Variants in GDPD1 observed in about 807,000 individuals in gnomAD.
The protein encoded by GDPD1 is lysophospholipase D GDPD1.
In GDPD1, 28 loss-of-function variants were observed where a neutral mutation model predicts 45.1. The observed-to-expected ratio is 0.62, with a 90% CI of 0.46 to 0.85. The LOEUF (loss-of-function observed/expected upper bound fraction) is 0.85, where lower values mean the gene tolerates loss of function less well. Ranked by LOEUF, GDPD1 falls within the 40% of genes least tolerant of loss-of-function variation. The pLI is 0.00. For synonymous variants in GDPD1, 139 were observed against 131.4 expected (o/e 1.06, Z -0.40); for missense variants, 256 against 364.8 (o/e 0.70, Z 2.43).
chr17:59,272,641 TCACA>T, intron 8 of GDPD1, 140 bp from the exon 9 acceptor site: 1 of 593,660 alleles, frequency 1.7e-6, no homozygotes, highest in Non-Finnish European at 3.1e-6. Context: ...ATAAATTAAT[TCACA>T]ACAGCTATTA....
intron 4 of GDPD1, among the ~76,000 whole-genome samples, chr17:59,256,704 T>A (rs960915611): frequency 6.6e-6 from 1 of 152,212 alleles, no homozygotes; most frequent in African/African-American, 2.4e-5. Context: ...TATTGTACTA[T>A]AGATTTGCAA....
At chr17:59,221,081 A>G (rs1373095989) in intron 1 of GDPD1, among the ~76,000 whole-genome samples, 2 of 152,052 alleles carry the variant, frequency 1.3e-5, no homozygotes, top group Non-Finnish European at 2.9e-5. Context: ...GTCCCTTCCT[A>G]GCAGCAAGAC....
chr17:59,223,232 C>T (rs1034596470), intron 1 of GDPD1, among the ~76,000 whole-genome samples: 6 of 152,100 alleles, frequency 3.9e-5, no homozygotes, highest in South Asian at 4.1e-4. Context: ...TTTGTAAATG[C>T]GGCATCAGTA....
intron 3 of GDPD1, among the ~76,000 whole-genome samples, chr17:59,246,018 G>T (rs1197968499): frequency 5.9e-5 from 9 of 151,996 alleles, no homozygotes; most frequent in Non-Finnish European, 1.2e-4. Context: ...TACTTGGGAG[G>T]CTGAGGCAGG....
chr17:59,220,829 G>T (rs2046998258), intron 1 of GDPD1, 78 bp downstream of exon 1: 1 of 1,505,402 alleles, frequency 6.6e-7, no homozygotes, highest in Non-Finnish European at 9.0e-7. Flanking sequence ...AAGGCAGCCG[G>T]GTGCCAATCC....
intron 7 of GDPD1, 134 bp from the exon 8 acceptor site, chr17:59,270,802 T>C (rs2047438569): frequency 1.8e-6 from 1 of 552,578 alleles, no homozygotes; most frequent in Non-Finnish European, 3.2e-6. Flanking sequence ...ATTTTATTTT[T>C]GTCCTTTTTA....
chr17:59,225,076 A>C (rs1486143443), intron 1 of GDPD1, among the ~76,000 whole-genome samples: 4 of 136,304 alleles, frequency 2.9e-5, no homozygotes, highest in Admixed American at 7.4e-5. Context: ...TGTGTTTATT[A>C]TTTTCTTTCT....
intron 4 of GDPD1, among the ~76,000 whole-genome samples, chr17:59,252,969 G>A (rs1316762342): frequency 6.6e-6 from 1 of 152,192 alleles, no homozygotes; most frequent in African/African-American, 2.4e-5. Context: ...ACTTCAGCCT[G>A]GGCAACAGAT....
chr17:59,239,302 T>C (rs1017042174), intron 2 of GDPD1, among the ~76,000 whole-genome samples: 2 of 152,234 alleles, frequency 1.3e-5, no homozygotes, highest in Non-Finnish European at 2.9e-5. Flanking sequence ...ATGCATTGTT[T>C]CTGTGGAGTT....
chr17:59,256,492 C>T (rs2047310136), intron 4 of GDPD1, among the ~76,000 whole-genome samples: 1 of 152,046 alleles, frequency 6.6e-6, no homozygotes, highest in African/African-American at 2.4e-5. Flanking sequence ...CTTCCCTTGC[C>T]TGAATGTTAT....
Position 59,245,395 on chromosome 17 carries a change from T to C in GDPD1, c.186-19T>C, listed in dbSNP as rs2147886327. The stretch of plus-strand genomic sequence containing the variant: ...TGTATACTTAAGTGTCAGATGTCAT[T>C]CTTCTTTTATTTCTTCAGTGCGGTT... On this transcript the variant is annotated intron_variant, in intron 2 of 9. Coordinates refer to ENST00000284116, the MANE Select transcript of GDPD1 (RefSeq NM_182569.4). 1 of 1,599,900 alleles carries C rather than the reference T, an allele frequency of 6.3e-7. No homozygotes were observed. Among genetic ancestry groups the C allele is most frequent in the East Asian group, 2.2e-5 (1 of 44,680 alleles).
chr17:59,259,305 C>T (rs1218905221), intron 6 of GDPD1, among the ~76,000 whole-genome samples: 9 of 151,488 alleles, frequency 5.9e-5, no homozygotes, highest in Admixed American at 2.6e-4. Context: ...CGGTGGCTCA[C>T]GCCTGTAATC....
intron 3 of GDPD1, among the ~76,000 whole-genome samples, chr17:59,246,970 G>T (rs2047217276): frequency 6.6e-6 from 1 of 151,860 alleles, no homozygotes; most frequent in Non-Finnish European, 1.5e-5. Context: ...GTTTCACCAT[G>T]TTGGCCAGGC....
chr17:59,245,617 A>G (rs1357929250), intron 3 of GDPD1, 68 bp downstream of exon 3: 2 of 1,128,992 alleles, frequency 1.8e-6, no homozygotes, highest in East Asian at 2.5e-5. Context: ...TTTTTAAAAT[A>G]GCGAATATCA....
chr17:59,264,710 A>G (rs1363010821), intron 6 of GDPD1, among the ~76,000 whole-genome samples: 1 of 152,152 alleles, frequency 6.6e-6, no homozygotes, highest in Non-Finnish European at 1.5e-5. Context: ...CAGCTGAAAC[A>G]CCTGTATGTA....
At chr17:59,255,857 G>GTATATATATATATACACGTATATA (rs1568346976) in intron 4 of GDPD1, among the ~76,000 whole-genome samples, 24 of 40,832 alleles carry the variant, frequency 5.9e-4, no homozygotes, top group African/African-American at 3.5e-3. Context: ...ATATACACAC[G>GTATATATATATATACACGTATATA]TATATATATA....
chr17:59,222,770 C>T (rs2047016500), intron 1 of GDPD1, among the ~76,000 whole-genome samples: 1 of 152,098 alleles, frequency 6.6e-6, no homozygotes, highest in Non-Finnish European at 1.5e-5. Flanking sequence ...CCGCCTTAGC[C>T]TCCCAAAGTG....
chr17:59,270,178 A>G lies in GDPD1; in HGVS notation c.711-758A>G, dbSNP rs116507970. Among the ~76,000 whole-genome samples, 941 of 151,488 alleles carry G rather than the reference A, an allele frequency of 6.2e-3. 5 individuals are homozygous for G. Among genetic ancestry groups the G allele is most frequent in the African/African-American group, 0.021 (884 of 41,356 alleles). ...TGGGGCCAGAGTTAGGGAAAAAAGG[A>G]CTTGTACTTTATTTTGTACTTTTTT... On this transcript the variant is annotated intron_variant, in intron 7 of 9. Coordinates refer to ENST00000284116, the MANE Select transcript of GDPD1 (RefSeq NM_182569.4).
Position 59,232,928 on chromosome 17 carries a change from CAGTG to C in GDPD1, c.143-1561_143-1558del, listed in dbSNP as rs1025251165. ...GTATGGTAATTTTTTAATCAAAACA[CAGTG>C]AGGCTGGATGCAGTGGCTCACACCC... On this transcript the variant is annotated intron_variant, in intron 1 of 9. Transcript: ENST00000284116. Among the ~76,000 whole-genome samples, 151 of 152,230 alleles carry C rather than the reference CAGTG, an allele frequency of 9.9e-4. 1 individual carries two copies. Among genetic ancestry groups the C allele is most frequent in the Non-Finnish European group, 1.9e-3 (128 of 68,026 alleles).
Sources: allele counts gnomAD v4.1 joint callset (sites outside exome capture counted in the v4.1 genomes callset), GRCh38; gene constraint gnomAD v4.1.1; transcripts MANE v1.5; gene names NCBI Gene and HGNC (gene_info 2026-07-23, HGNC 2026-07-21).